Variants in CLSTN3 observed in about 807,000 individuals in gnomAD.
CLSTN3 encodes the protein calsyntenin-3.
CLSTN3 carries 36 observed loss-of-function variants against 95.9 expected under a neutral mutation model. That is an observed-to-expected ratio of 0.38 (90% CI 0.29 to 0.50). The LOEUF (loss-of-function observed/expected upper bound fraction) is 0.50. CLSTN3 is among the 20% of genes least tolerant of loss of function. The probability of loss-of-function intolerance (pLI) is 0.95; values close to 1 mark genes in which losing one functional copy is unlikely to be tolerated. For synonymous variants in CLSTN3, 481 were observed against 504.0 expected, an observed-to-expected ratio of 0.95 and a Z score of 0.61; for missense variants, 1,084 against 1,268.8, an observed-to-expected ratio of 0.85 and a Z score of 2.21.
Position 7,149,737 on chromosome 12 carries a change from T to C in CLSTN3, c.2245+44T>C. On this transcript the variant is annotated intron_variant, in intron 14 of 17. Transcript: ENST00000266546. The surrounding 1 kb of genome is among the most constrained non-coding windows in gnomAD (Gnocchi z 4.5). ...CCTGTCCTCTGTGTGTGTGTGCCCC[T>C]CCCAAAAAGTAAGGGCCTAGGAAGC... The C allele has an allele frequency of 6.4e-7, 1 of 1,557,836 alleles. No homozygotes were observed. The highest frequency in any genetic ancestry group is 2.3e-5 in the East Asian group (1 of 44,188).
chr12:7,149,642 C>A lies in CLSTN3; in HGVS notation c.2194C>A (p.Gln732Lys). The part of the protein sequence containing the change: ...ESLLLDTTSL[Q>K]QRGLELTNTS... Reference sequence around the variant, plus strand: ...CCTGCTCCTGGACACAACCTCTCTGCAGCAGCGGGGGCTGGAGCTCACCAA... The same window carrying A: ...CCTGCTCCTGGACACAACCTCTCTGAAGCAGCGGGGGCTGGAGCTCACCAA... Residue 732 changes from glutamine (Q) to lysine (K), a missense_variant, in exon 14 of 18, where the codon CAG becomes AAG. Transcript: ENST00000266546. This position sits in a 1 kb window ranked among gnomAD's most constrained non-coding sequence, Gnocchi z 4.5. 6.2e-7 allele frequency: 1 copy of A among 1,614,218 alleles called. No individual in the cohort carries two copies. The highest frequency in any genetic ancestry group is 1.3e-5 in the African/African-American group (1 of 75,064).
In CLSTN3 at chr12:7,133,593, C is replaced by T; in HGVS notation, c.208C>T (p.Leu70Phe). The change falls in exon 3 of 18, where the codon CTC becomes TTC. Residue 70 changes from leucine to phenylalanine, a missense_variant. Coordinates refer to ENST00000266546, the MANE Select transcript of CLSTN3 (RefSeq NM_014718.4). This position sits in a 1 kb window ranked among gnomAD's most constrained non-coding sequence, Gnocchi z 4.7. ...RYAGEICGFRLHGSGVPFEAV... is the reference protein window; with the variant it reads ...RYAGEICGFRFHGSGVPFEAV... ...GCCAGGTGAGATCTGCGGCTTCCGG[C>T]TCCATGGGTCTGGGGTGCCCTTTGA... The T allele has an allele frequency of 6.2e-7, 1 of 1,614,096 alleles. No individual in the cohort carries two copies. The highest frequency in any genetic ancestry group is 8.5e-7 in the Non-Finnish European group (1 of 1,180,016).
Position 7,147,704 on chromosome 12 carries a change from G to A in CLSTN3, c.1848-1268G>A, listed in dbSNP as rs551731800. Reference sequence around the variant, plus strand: ...TAATTTTTGTATTTTTTGTAGAGACGGGGTTTCACTATGTTGCCCAGGCTG... The same window carrying A: ...TAATTTTTGTATTTTTTGTAGAGACAGGGTTTCACTATGTTGCCCAGGCTG... On this transcript the variant is annotated intron_variant, in intron 12 of 17. Transcript: ENST00000266546. Among the ~76,000 whole-genome samples, 90 of 151,610 alleles carry A rather than the reference G, an allele frequency of 5.9e-4. 1 individual carries two copies. Among genetic ancestry groups the A allele is most frequent in the African/African-American group, 1.7e-3 (70 of 41,394 alleles).
Position 7,137,612 on chromosome 12 carries a change from T to C in CLSTN3, c.1211-343T>C, listed in dbSNP as rs1325553227. Reference sequence around the variant, plus strand: ...CCTCATTTCTCTTGACCTTGACAACTCTTTTGAAAAGGGTTGTCACCCATG... The same window carrying C: ...CCTCATTTCTCTTGACCTTGACAACCCTTTTGAAAAGGGTTGTCACCCATG... On this transcript the variant is annotated intron_variant, in intron 7 of 17. Coordinates refer to ENST00000266546, the MANE Select transcript of CLSTN3 (RefSeq NM_014718.4). This position sits in a 1 kb window ranked among gnomAD's most constrained non-coding sequence, Gnocchi z 4.4. 6.6e-6 allele frequency among the ~76,000 whole-genome samples: 1 copy of C among 152,166 alleles called. No individual in the cohort carries two copies. The highest frequency in any genetic ancestry group is 1.5e-5 in the Non-Finnish European group (1 of 68,030).
chr12:7,136,852 C>T lies in CLSTN3; in HGVS notation c.952C>T (p.Leu318=). The change falls in exon 7 of 18, where the codon CTG becomes TTG. Residue 318 remains leucine (L), a synonymous_variant. Coordinates refer to ENST00000266546, the MANE Select transcript of CLSTN3 (RefSeq NM_014718.4). ...AGGTGCTGCCACTGGGGAGGTGGAT[C>T]TGTTGCCCATGCCTGGCCCCAATGC... ...LCGAATGEVD[L]LPMPGPNANW... is the part of the protein sequence containing the mutation. 1 of 1,614,150 alleles carries T rather than the reference C, an allele frequency of 6.2e-7. No individual in the cohort carries two copies. Among genetic ancestry groups the T allele is most frequent in the Non-Finnish European group, 8.5e-7 (1 of 1,179,998 alleles).
chr12:7,151,163 G>A, intron 16 of CLSTN3, 100 bp downstream of exon 16: 1 of 1,367,044 alleles, frequency 7.3e-7, no homozygotes, highest in Non-Finnish European at 9.7e-7. Flanking sequence ...GGACAAGGTA[G>A]GTGGAGCAAT....
At position 7,133,660 on chromosome 12, in the gene CLSTN3, G is replaced by A. The variant is rs201216710; in HGVS notation, c.275G>A (p.Arg92Gln). 1.4e-5 allele frequency: 23 copies of A among 1,614,090 alleles called. No homozygotes were observed. The highest frequency in any genetic ancestry group is 1.7e-4 in the Middle Eastern group (1 of 6,060). The change falls in exon 3 of 18, where the codon CGG (arginine) becomes CAG (glutamine). Residue 92 changes from arginine to glutamine, a missense_variant. Transcript: ENST00000266546. This position sits in a 1 kb window ranked among gnomAD's most constrained non-coding sequence, Gnocchi z 4.7. ...AAGGCGACAGGAGAGGGGCTGATCCGGGCCAAGGAGCCTGTGGACTGCGAG... is the reference window on the plus strand; with the variant it reads ...AAGGCGACAGGAGAGGGGCTGATCCAGGCCAAGGAGCCTGTGGACTGCGAG... The part of the protein sequence containing the change: ...LDKATGEGLI[R>Q]AKEPVDCEAQ...
In CLSTN3 at chr12:7,135,503, C is replaced by T. The variant is rs765630565; in HGVS notation, c.560C>T (p.Thr187Ile). Residue 187 changes from threonine to isoleucine, a missense_variant, in exon 4 of 18, where the codon ACA (threonine) becomes ATA (isoleucine). Coordinates refer to ENST00000266546, the MANE Select transcript of CLSTN3 (RefSeq NM_014718.4). The part of the protein sequence containing the change: ...YSQICYYEIL[T>I]PNTPFLIDND... ...CAGATCTGCTACTATGAGATTCTCA[C>T]ACCCAACACCCCTTTCCTCATTGAC... 1.2e-6 allele frequency: 2 copies of T among 1,614,136 alleles called. No homozygotes were observed. Among genetic ancestry groups the T allele is most frequent in the South Asian group, 1.1e-5 (1 of 91,088 alleles).
chr12:7,133,496 C>A lies in CLSTN3; in HGVS notation c.188-77C>A. On this transcript the variant is annotated intron_variant, in intron 2 of 17. Transcript: ENST00000266546. The surrounding 1 kb of genome is among the most constrained non-coding windows in gnomAD (Gnocchi z 4.7). ...CAGGGCTTTGGGAGGAGAGGTGGAG[C>A]TGGACCCCAGGTGGGGAGACTGAGG... is the stretch of plus-strand genomic sequence containing the variant. 7.0e-7 allele frequency: 1 copy of A among 1,418,632 alleles called. No individual in the cohort carries two copies. The highest frequency in any genetic ancestry group is 1.2e-5 in the South Asian group (1 of 84,462). 87.9% of individuals were successfully genotyped at this position (1,418,632 alleles called of 1,614,324 possible). A position where few individuals can be genotyped will look rare whatever the true frequency, so the allele number is the denominator to read the frequency against.
At chr12:7,144,551 T>A (rs1939589515) in intron 12 of CLSTN3, among the ~76,000 whole-genome samples, 1 of 152,224 alleles carries the variant, frequency 6.6e-6, no homozygotes, top group Non-Finnish European at 1.5e-5. Flanking sequence ...TGCTGGCTAT[T>A]ATTACATAAA....
intron 1 of CLSTN3, among the ~76,000 whole-genome samples, chr12:7,132,065 A>G (rs1478604718): frequency 6.6e-6 from 1 of 151,930 alleles, no homozygotes; most frequent in Non-Finnish European, 1.5e-5. Context: ...GGGAGGAAAT[A>G]TGCTTCCCCA....
intron 1 of CLSTN3, chr12:7,131,687 C>T: frequency 2.3e-6 from 1 of 442,436 alleles, no homozygotes; most frequent in Non-Finnish European, 4.6e-6. Flanking sequence ...GCAGAGGGCG[C>T]CCAGCCCTGC....
rs760642941 is a variant in CLSTN3, at chr12:7,130,683, C to G, written c.35C>G (p.Ser12Cys). The change falls in exon 1 of 18, where the codon TCT becomes TGT. Residue 12 changes from serine to cysteine, a missense_variant. Physicochemically the swap from Ser to Cys is moderately radical, Grantham distance 112 (BLOSUM62 -1). Transcript: ENST00000266546. ...CTGCTGCTGCCCCTTCTGCTGGCCTCTCTGCTCGCGTCCTGCTCCTGTAAC... is the reference window on the plus strand; with the variant it reads ...CTGCTGCTGCCCCTTCTGCTGGCCTGTCTGCTCGCGTCCTGCTCCTGTAAC... ...TLLLLPLLLA[S>C]LLASCSCNKA... is the part of the protein sequence containing the mutation. 65 of 1,574,884 alleles carry G rather than the reference C, an allele frequency of 4.1e-5. No individual in the cohort carries two copies. The highest frequency in any genetic ancestry group is 5.8e-5 in the South Asian group (5 of 86,308).
chr12:7,133,966 T>G lies in CLSTN3; in HGVS notation c.383+198T>G. 1 of 495,802 alleles carries G rather than the reference T, an allele frequency of 2.0e-6. No homozygotes were observed. The highest frequency in any genetic ancestry group is 3.7e-5 in the South Asian group (1 of 26,850). 30.7% of individuals were successfully genotyped at this position (495,802 alleles called of 1,614,324 possible). A position where few individuals can be genotyped will look rare whatever the true frequency, so the allele number is the denominator to read the frequency against. ...AGGTGACAGAAACGTATAGTAGAGT[T>G]CAGTGGATCTAATCTTGGCTTTGCC... On this transcript the variant is annotated intron_variant, in intron 3 of 17. Transcript: ENST00000266546. This position sits in a 1 kb window ranked among gnomAD's most constrained non-coding sequence, Gnocchi z 4.7.
Position 7,137,170 on chromosome 12 carries a change from T to TC in CLSTN3, c.1210+61dup, listed in dbSNP as rs1446664510. ...AAACTGGCTTCTTGTCCCGCCTCTG[T>TC]CACTGCCCAGTGTGTGACTGTGAAC... On this transcript the variant is annotated intron_variant, in intron 7 of 17. Coordinates refer to ENST00000266546, the MANE Select transcript of CLSTN3 (RefSeq NM_014718.4). This position sits in a 1 kb window ranked among gnomAD's most constrained non-coding sequence, Gnocchi z 4.4. 5 of 1,524,694 alleles carry TC rather than the reference T, an allele frequency of 3.3e-6. No individual in the cohort carries two copies. Among genetic ancestry groups the TC allele is most frequent in the Non-Finnish European group, 4.4e-6 (5 of 1,128,586 alleles). The allele number at this position is 1,524,694 out of a possible 1,614,324, so 94.4% of individuals were successfully genotyped here. A position where few individuals can be genotyped will look rare whatever the true frequency, so the allele number is the denominator to read the frequency against.
intron 1 of CLSTN3, chr12:7,131,696 G>T (rs749304453): frequency 4.5e-6 from 2 of 448,716 alleles, no homozygotes; most frequent in African/African-American, 2.0e-5. Context: ...GCCCAGCCCT[G>T]CCCTTCCACC....
rs147948411 is a variant in CLSTN3, at chr12:7,150,562, T to C, written c.2264T>C (p.Val755Ala). Reference sequence around the variant, plus strand: ...TCTCCAGGGGTGGAGAGCATCACTGTGTATGAAGAGATCCTGAGGCAGGCT... The same window carrying C: ...TCTCCAGGGGTGGAGAGCATCACTGCGTATGAAGAGATCCTGAGGCAGGCT... ...LTIAGVESIT[V>A]YEEILRQARY... Residue 755 changes from valine (V) to alanine (A), a missense_variant, in exon 15 of 18, where the codon GTG becomes GCG. Val to Ala is a moderately conservative substitution (Grantham distance 64). Coordinates refer to ENST00000266546, the MANE Select transcript of CLSTN3 (RefSeq NM_014718.4). The surrounding 1 kb of genome is among the most constrained non-coding windows in gnomAD (Gnocchi z 4.0). The C allele has an allele frequency of 3.9e-5, 63 of 1,613,540 alleles. No individual in the cohort carries two copies. The African/African-American group carries it at 6.9e-4, about 18-fold the overall frequency.
intron 3 of CLSTN3, among the ~76,000 whole-genome samples, chr12:7,134,922 A>G (rs1939375203): frequency 6.6e-6 from 1 of 152,072 alleles, no homozygotes; most frequent in Non-Finnish European, 1.5e-5. Context: ...TCTCCCTGGC[A>G]TGACTTTGAT....
At position 7,149,912 on chromosome 12, in the gene CLSTN3, G is replaced by A. The variant is rs570415895; in HGVS notation, c.2245+219G>A. The stretch of plus-strand genomic sequence containing the variant: ...TTCTGTCTTCCTGCTCCTCTCCATA[G>A]CCTGGCTCACCTCCACTTCTGGTCC... On this transcript the variant is annotated intron_variant, in intron 14 of 17. Transcript: ENST00000266546. The surrounding 1 kb of genome is among the most constrained non-coding windows in gnomAD (Gnocchi z 4.5). Among the ~76,000 whole-genome samples the A allele has an allele frequency of 2.6e-5, 4 of 152,232 alleles. No individual in the cohort carries two copies. The highest frequency in any genetic ancestry group is 2.1e-4 in the South Asian group (1 of 4,812).
Sources: gnomAD v4.1 joint callset for allele counts (sites outside exome capture counted in the v4.1 genomes callset) on GRCh38, gnomAD v4.1.1 for gene constraint, Gnocchi (gnomAD v3.1) non-coding constraint, MANE v1.5 for transcripts, NCBI Gene and HGNC (gene_info 2026-07-23, HGNC 2026-07-21) for gene names.